The following MOV10 variants were observed in gnomAD, a reference collection of about 807,000 sequenced individuals.
MOV10 encodes Mov10 RNA helicase, also known as RNA helicase MOV-10.
MOV10 carries 39 observed loss-of-function variants against 108.4 expected under a neutral mutation model. That is an observed-to-expected ratio of 0.36 (90% CI 0.28 to 0.47). MOV10 has a LOEUF of 0.47. MOV10 is among the 20% of genes least tolerant of loss of function. MOV10 has a pLI of 1.00. For synonymous variants in MOV10, 490 were observed against 523.1 expected (o/e 0.94, Z 0.86); for missense variants, 952 against 1,297.6 (o/e 0.73, Z 4.09).
intron 2 of MOV10, among the ~76,000 whole-genome samples, chr1:112,686,438 T>A (rs1180578703): frequency 6.6e-6 from 1 of 152,186 alleles, no homozygotes; most frequent in Admixed American, 6.5e-5. Context: ...ACTTTGCTGA[T>A]TCTCCTTTCT....
chr1:112,684,137 G>T (rs551285326), intron 2 of MOV10, among the ~76,000 whole-genome samples: 2 of 149,856 alleles, frequency 1.3e-5, no homozygotes, highest in South Asian at 4.2e-4. Flanking sequence ...TTAATTCTTT[G>T]TAGAGACAGG....
intron 7 of MOV10, 78 bp downstream of exon 7, chr1:112,693,007 C>T (rs538046973): frequency 2.0e-4 from 273 of 1,371,812 alleles, no homozygotes; most frequent in Non-Finnish European, 2.7e-4. Context: ...CTATTCCTGA[C>T]AGCAGGGCAG....
intron 17 of MOV10, chr1:112,699,482 A>G (rs1674433102): frequency 1.4e-6 from 2 of 1,425,046 alleles, no homozygotes; most frequent in Non-Finnish European, 1.8e-6. Flanking sequence ...CCCAGCCCTC[A>G]GCAGGATTCA....
In MOV10 at chr1:112,675,320, A is replaced by C. The variant is rs1487851632; in HGVS notation, c.137+271A>C. Among the ~76,000 whole-genome samples, 1 of 152,028 alleles carries C rather than the reference A, an allele frequency of 6.6e-6. No individual in the cohort carries two copies. The highest frequency in any genetic ancestry group is 1.5e-5 in the Non-Finnish European group (1 of 67,970). ...CGCTGCCCGCGCCCCCGGAGGCCGG[A>C]ACCCGGGGCCGGGAGCTGCGTCCCG... On this transcript the variant is annotated intron_variant, in intron 2 of 20. Transcript: ENST00000369645. This position sits in a 1 kb window ranked among gnomAD's most constrained non-coding sequence, Gnocchi z 4.7.
At chr1:112,679,760 G>A (rs1405428105) in intron 2 of MOV10, among the ~76,000 whole-genome samples, 2 of 152,070 alleles carry the variant, frequency 1.3e-5, no homozygotes, top group Non-Finnish European at 1.5e-5. Flanking sequence ...AGTTTAAAAA[G>A]ATAGGAGTTT....
chr1:112,682,185 G>A (rs1295662178), intron 2 of MOV10, among the ~76,000 whole-genome samples: 1 of 152,122 alleles, frequency 6.6e-6, no homozygotes, highest in Admixed American at 6.5e-5. Context: ...GTGAGCCATC[G>A]CGCCCGGCCA....
intron 14 of MOV10, 131 bp from the exon 15 acceptor site, chr1:112,697,851 TATTATGGAGGAG>T (rs2101422618): frequency 1.4e-6 from 1 of 695,092 alleles, no homozygotes; most frequent in Admixed American, 2.1e-5. Context: ...TGGCAGCAGA[TATTATGGAGGAG>T]TGTCCTGCTA....
intron 5 of MOV10, among the ~76,000 whole-genome samples, chr1:112,690,975 T>C (rs984676265): frequency 6.6e-6 from 1 of 152,154 alleles, no homozygotes; most frequent in African/African-American, 2.4e-5. Context: ...GTTCACAAAA[T>C]ACTGAGTTAT....
intron 1 of MOV10, 34 bp from the exon 2 acceptor site, chr1:112,674,814 G>A: frequency 7.8e-7 from 1 of 1,281,012 alleles, no homozygotes; most frequent in South Asian, 1.5e-5. Flanking sequence ...CTTCCCTCCT[G>A]CTGCACCCTC....
At chr1:112,689,184 G>A (rs979477942) in intron 3 of MOV10, 46 bp downstream of exon 3, 8 of 1,536,120 alleles carry the variant, frequency 5.2e-6, no homozygotes, top group South Asian at 2.4e-5. Context: ...TCTGCAGGGT[G>A]TGAGGGAAGG....
At position 112,699,718 on chromosome 1, in the gene MOV10, CGAA is replaced by C; in HGVS notation, c.2619_2621del (p.Ser874del). On this transcript the variant is annotated inframe_deletion, in exon 18 of 21. Coordinates refer to ENST00000369645, the MANE Select transcript of MOV10 (RefSeq NM_001321324.2). ...AGTAGAAGAATTCCAAGGCCAAGAA[CGAA>C]GCGTCATCCTCATCTCCACCGTGCG... 6.2e-7 allele frequency: 1 copy of C among 1,614,228 alleles called. No homozygotes were observed. Among genetic ancestry groups the C allele is most frequent in the Non-Finnish European group, 8.5e-7 (1 of 1,180,044 alleles).
At chr1:112,689,376 C>CG in intron 3 of MOV10, 39 bp from the exon 4 acceptor site, 1 of 1,150,892 alleles carries the variant, frequency 8.7e-7, no homozygotes, top group Non-Finnish European at 1.3e-6. Context: ...AGTCAGACCG[C>CG]TCCCACCCCA....
chr1:112,687,134 T>G, intron 2 of MOV10: 1 of 425,934 alleles, frequency 2.3e-6, no homozygotes, highest in Non-Finnish European at 4.7e-6. Context: ...CTACTACTAC[T>G]GCTACTATTA....
rs115306449 is a variant in MOV10, at chr1:112,674,990, G to A, written c.78G>A (p.Leu26=). ...CFESFLVVRG[L]DMETDRERLR... The stretch of plus-strand genomic sequence containing the variant: ...AGAGTTTCCTGGTCGTTCGGGGACT[G>A]GACATGGAGACAGATCGCGAGCGGC... The change falls in exon 2 of 21, where the codon CTG becomes CTA. Residue 26 remains leucine, a synonymous_variant. Transcript: ENST00000369645. The A allele has an allele frequency of 1.7e-3, 2,622 of 1,583,790 alleles. 32 individuals carry two copies. In the African/African-American group the frequency reaches 0.031, roughly 19 times the overall value.
At chr1:112,687,929 C>T (rs1352605211) in intron 2 of MOV10, among the ~76,000 whole-genome samples, 2 of 152,114 alleles carry the variant, frequency 1.3e-5, no homozygotes, top group African/African-American at 2.4e-5. Flanking sequence ...CATGTTCTTG[C>T]GTACCTCTCA....
intron 6 of MOV10, among the ~76,000 whole-genome samples, chr1:112,692,390 G>T (rs778149942): frequency 2.2e-4 from 34 of 152,208 alleles, no homozygotes; most frequent in African/African-American, 3.1e-4. Context: ...GGAATGGGTT[G>T]GTGCTGCTTT....
rs778511778 is a variant in MOV10, at chr1:112,694,224, C to T, written c.1295+52C>T. On this transcript the variant is annotated intron_variant, in intron 8 of 20. Coordinates refer to ENST00000369645, the MANE Select transcript of MOV10 (RefSeq NM_001321324.2). The surrounding 1 kb of genome is among the most constrained non-coding windows in gnomAD (Gnocchi z 4.1). Reference sequence around the variant, plus strand: ...CTGGAAGGGTCTACAGACTTCTGACCCCAGGGGAGGAGGAGTGTTTCTCCC... The same window carrying T: ...CTGGAAGGGTCTACAGACTTCTGACTCCAGGGGAGGAGGAGTGTTTCTCCC... 1.8e-4 allele frequency: 295 copies of T among 1,603,828 alleles called. No individual in the cohort carries two copies. Among genetic ancestry groups the T allele is most frequent in the Middle Eastern group, 9.9e-4 (6 of 6,050 alleles).
Position 112,700,733 on chromosome 1 carries a change from T to G in MOV10, c.*226T>G. 1 of 1,499,436 alleles carries G rather than the reference T, an allele frequency of 6.7e-7. No homozygotes were observed. The allele number at this position is 1,499,436 out of a possible 1,614,324, so 92.9% of individuals were successfully genotyped here. ...ACTCTGAAAACAAAATCTTGTTCTA[T>G]GCAAAAGCCTTGATAATGTCTCCTC... On this transcript the variant is annotated 3_prime_UTR_variant, in exon 21 of 21. Transcript: ENST00000369645.
chr1:112,690,513 C>T (rs892616617), intron 5 of MOV10, among the ~76,000 whole-genome samples: 2 of 152,128 alleles, frequency 1.3e-5, no homozygotes. Flanking sequence ...GCGCCCACTA[C>T]AACACCCGGC....
Sources: gnomAD v4.1 joint callset for allele counts (sites outside exome capture counted in the v4.1 genomes callset) on GRCh38, gnomAD v4.1.1 for gene constraint, Gnocchi (gnomAD v3.1) non-coding constraint, MANE v1.5 for transcripts, NCBI Gene and HGNC (gene_info 2026-07-23, HGNC 2026-07-21) for gene names.